Variants in CCDC88C observed in about 807,000 individuals in gnomAD.
CCDC88C encodes the protein protein Daple.
In CCDC88C, 131 loss-of-function variants were observed where a neutral mutation model predicts 198.8. The ratio of observed to expected loss-of-function variants is 0.66; its 90% CI spans 0.57 to 0.76. CCDC88C has a LOEUF of 0.76. Among genes scored for constraint, CCDC88C ranks in the 30% least tolerant of loss-of-function variants. CCDC88C has a pLI of 0.00. For synonymous variants in CCDC88C, 1,166 were observed against 1,114.7 expected, an observed-to-expected ratio of 1.05 and a Z score of -0.92; for missense variants, 2,553 against 2,631.6, an observed-to-expected ratio of 0.97 and a Z score of 0.65.
intron 23 of CCDC88C, among the ~76,000 whole-genome samples, chr14:91,292,613 G>T (rs981598441): frequency 6.6e-6 from 1 of 152,090 alleles, no homozygotes; most frequent in African/African-American, 2.4e-5. Context: ...GCACACCAGT[G>T]TTCACTGTGA....
intron 3 of CCDC88C, among the ~76,000 whole-genome samples, chr14:91,382,260 C>CT (rs762285143): frequency 7.9e-5 from 12 of 152,118 alleles, no homozygotes; most frequent in Non-Finnish European, 1.5e-4. Context: ...CCTCATAATC[C>CT]TTCTCAACAC....
At chr14:91,363,872 G>T (rs535698342) in intron 3 of CCDC88C, among the ~76,000 whole-genome samples, 1 of 152,388 alleles carries the variant, frequency 6.6e-6, no homozygotes, top group East Asian at 1.9e-4. Flanking sequence ...GACGTGAGGA[G>T]GCTGCTGACG....
At chr14:91,281,317 G>T in intron 27 of CCDC88C, 140 bp downstream of exon 27, 1 of 1,534,092 alleles carries the variant, frequency 6.5e-7, no homozygotes, top group African/African-American at 1.4e-5. Context: ...CCCTGGGGAG[G>T]GGAAGGAAGA....
intron 3 of CCDC88C, among the ~76,000 whole-genome samples, chr14:91,369,054 C>T (rs952534882): frequency 2.6e-5 from 4 of 152,238 alleles, no homozygotes; most frequent in South Asian, 2.1e-4. Context: ...AGCACAATGT[C>T]GCTGATCGTT....
intron 10 of CCDC88C, 114 bp from the exon 11 acceptor site, chr14:91,326,170 G>A (rs1374923137): frequency 1.1e-6 from 1 of 916,684 alleles, no homozygotes; most frequent in Non-Finnish European, 1.6e-6. Flanking sequence ...ACAATCTAGA[G>A]GGAAGTCCGA....
Position 91,325,248 on chromosome 14 carries a change from C to T in CCDC88C, c.1198-325G>A, listed in dbSNP as rs756720198. Among the ~76,000 whole-genome samples, 1 of 152,186 alleles carries T rather than the reference C, an allele frequency of 6.6e-6. No homozygotes were observed. Among genetic ancestry groups the T allele is most frequent in the African/African-American group, 2.4e-5 (1 of 41,440 alleles). On this transcript the variant is annotated intron_variant, in intron 11 of 29. Coordinates refer to ENST00000389857, the MANE Select transcript of CCDC88C (RefSeq NM_001080414.4). This position sits in a 1 kb window ranked among gnomAD's most constrained non-coding sequence, Gnocchi z 4.1. The stretch of plus-strand genomic sequence containing the variant: ...GTGATGGGCAGCTCTGTGGCTCTAG[C>T]GAAGCCCTAACAGGCCTCTAAAGCT...
rs749773290 is a variant in CCDC88C at position 91,338,085 on chromosome 14, G to C, written c.970C>G (p.Arg324Gly). 6.2e-7 allele frequency: 1 copy of C among 1,613,756 alleles called. No homozygotes were observed. The highest frequency in any genetic ancestry group is 1.1e-5 in the South Asian group (1 of 91,090). The change falls in exon 10 of 30, where the codon CGC becomes GGC. Residue 324 changes from arginine (R) to glycine (G), a missense_variant. This residue lies in a region of CCDC88C where 1,260 missense variants were observed against 1,412.0 expected (regional missense o/e 0.89). Transcript: ENST00000389857. This position sits in a 1 kb window ranked among gnomAD's most constrained non-coding sequence, Gnocchi z 4.8. ...AGCTCCAGCTCCAGCCTCTCCACGC[G>C]GTTCGCCTTCTCCCGCAGGGAATCC... Reference protein sequence around the residue: ...ELDSLREKANRVERLELELTR... With the variant: ...ELDSLREKANGVERLELELTR...
At chr14:91,335,429 G>A (rs1893008508) in intron 10 of CCDC88C, among the ~76,000 whole-genome samples, 1 of 151,942 alleles carries the variant, frequency 6.6e-6, no homozygotes, top group Non-Finnish European at 1.5e-5. Flanking sequence ...CCTGCACGCT[G>A]CTTTCTCGGG....
At chr14:91,346,388 T>C (rs1400377566) in intron 4 of CCDC88C, among the ~76,000 whole-genome samples, 2 of 152,234 alleles carry the variant, frequency 1.3e-5, no homozygotes, top group African/African-American at 2.4e-5. Flanking sequence ...GGCTCAGCGT[T>C]GCAAAGCAAT....
chr14:91,346,848 G>A, intron 4 of CCDC88C, among the ~76,000 whole-genome samples: 1 of 152,124 alleles, frequency 6.6e-6, no homozygotes, highest in Non-Finnish European at 1.5e-5. Flanking sequence ...GCAGTGAGCT[G>A]AAATTGCTCC....
rs1363395378 is a variant in CCDC88C, at chr14:91,371,821, C to T, written c.271-12110G>A. 6.6e-6 allele frequency among the ~76,000 whole-genome samples: 1 copy of T among 152,220 alleles called. No individual in the cohort carries two copies. The highest frequency in any genetic ancestry group is 2.4e-5 in the African/African-American group (1 of 41,460). ...GGGGCCACGCCACACCCTGGCAGCCCTCACCCGGTGGCCTGACAATGCCGC... is the reference window on the plus strand; with the variant it reads ...GGGGCCACGCCACACCCTGGCAGCCTTCACCCGGTGGCCTGACAATGCCGC... On this transcript the variant is annotated intron_variant, in intron 3 of 29. Transcript: ENST00000389857. This position sits in a 1 kb window ranked among gnomAD's most constrained non-coding sequence, Gnocchi z 4.2.
At chr14:91,304,263 C>A (rs1382254690) in intron 19 of CCDC88C, among the ~76,000 whole-genome samples, 2 of 152,160 alleles carry the variant, frequency 1.3e-5, no homozygotes, top group South Asian at 2.1e-4. Flanking sequence ...CCCTTGTGTG[C>A]TGTGCCCTCT....
chr14:91,313,842 G>A lies in CCDC88C; in HGVS notation c.1974C>T (p.Thr658=), dbSNP rs773917480. The part of the protein sequence containing the change: ...ARKVTSLETA[T]EKVEALEHES... ...CATGCTCCAGGGCCTCGACTTTCTC[G>A]GTGGCTGTCTCCAGGGAGGTCACCT... Residue 658 remains threonine, a synonymous_variant, in exon 15 of 30, where the codon ACC becomes ACT. Coordinates refer to ENST00000389857, the MANE Select transcript of CCDC88C (RefSeq NM_001080414.4). This position sits in a 1 kb window ranked among gnomAD's most constrained non-coding sequence, Gnocchi z 5.2. The A allele has an allele frequency of 6.2e-6, 10 of 1,603,590 alleles. No individual in the cohort carries two copies. Among genetic ancestry groups the A allele is most frequent in the Admixed American group, 3.4e-5 (2 of 59,650 alleles).
intron 2 of CCDC88C, among the ~76,000 whole-genome samples, chr14:91,415,750 T>TA (rs1887014086): frequency 6.6e-6 from 1 of 152,008 alleles, no homozygotes. Flanking sequence ...GTTCTTGAAT[T>TA]ATTTTTTTCT....
intron 3 of CCDC88C, among the ~76,000 whole-genome samples, chr14:91,395,139 C>T (rs1022850465): frequency 1.3e-5 from 2 of 152,210 alleles, no homozygotes; most frequent in African/African-American, 2.4e-5. Flanking sequence ...AAGGAACCCA[C>T]CATTCGACCT....
In CCDC88C at chr14:91,412,706, A is replaced by G. The variant is rs1182776335; in HGVS notation, c.162-3939T>C. On this transcript the variant is annotated intron_variant, in intron 2 of 29. Transcript: ENST00000389857. ...CACCTCAGCCTCCCAAAGTGCTGGC[A>G]TTACAGGCGTGAGCCACCGTGCCCA... Among the ~76,000 whole-genome samples the G allele has an allele frequency of 2.0e-5, 3 of 152,148 alleles. No individual in the cohort carries two copies. In the East Asian group the frequency reaches 5.8e-4, roughly 29 times the overall value.
chr14:91,299,718 G>A lies in CCDC88C; in HGVS notation c.3779+209C>T, dbSNP rs766357500. Among the ~76,000 whole-genome samples, 69 of 152,308 alleles carry A rather than the reference G, an allele frequency of 4.5e-4. 1 individual carries two copies. Among genetic ancestry groups the A allele is most frequent in the Middle Eastern group, 3.4e-3 (1 of 294 alleles). On this transcript the variant is annotated intron_variant, in intron 21 of 29. Coordinates refer to ENST00000389857, the MANE Select transcript of CCDC88C (RefSeq NM_001080414.4). ...GAGAACCACTTAACTCAGACGACGC[G>A]CCATCCCCAGGTGTCACCTGAGTGC...
intron 2 of CCDC88C, 68 bp downstream of exon 2, chr14:91,416,670 A>G (rs948891277): frequency 9.4e-6 from 11 of 1,166,634 alleles, no homozygotes; most frequent in Non-Finnish European, 1.4e-5. Flanking sequence ...GCAACCTTCC[A>G]CTCCATTTCT....
intron 15 of CCDC88C, among the ~76,000 whole-genome samples, chr14:91,310,785 C>G (rs752209589): frequency 1.3e-5 from 2 of 152,184 alleles, no homozygotes; most frequent in African/African-American, 4.8e-5. Flanking sequence ...TACGTCAGCA[C>G]CTCTTTGTAG....
Sources: allele counts gnomAD v4.1 joint callset (sites outside exome capture counted in the v4.1 genomes callset), GRCh38; gene constraint gnomAD v4.1.1; regional missense constraint gnomAD v4.1.1; non-coding constraint Gnocchi (gnomAD v3.1); transcripts MANE v1.5; gene names NCBI Gene and HGNC (gene_info 2026-07-23, HGNC 2026-07-21).